Variants in AMPD3 observed in about 807,000 individuals in gnomAD.
AMPD3 encodes AMP deaminase 3.
A neutral mutation model predicts 82.3 loss-of-function variants in AMPD3; 57 were observed. The ratio of observed to expected loss-of-function variants is 0.69; its 90% confidence interval spans 0.56 to 0.86. The LOEUF (loss-of-function observed/expected upper bound fraction) is 0.86, where lower values mean the gene tolerates loss of function less well. Ranked by LOEUF, AMPD3 falls within the 40% of genes least tolerant of loss-of-function variation. The pLI is 0.00. For synonymous variants in AMPD3, 381 were observed against 394.7 expected, an observed-to-expected ratio of 0.97 and a Z score of 0.41; for missense variants, 870 against 1,003.8, an observed-to-expected ratio of 0.87 and a Z score of 1.80.
chr11:10,457,430 G>A (rs1848129797), intron 1 of AMPD3, among the ~76,000 whole-genome samples: 1 of 152,112 alleles, frequency 6.6e-6, no homozygotes, highest in South Asian at 2.1e-4. Context: ...TTGAGGGGCT[G>A]TGGAATGCAA....
intron 9 of AMPD3, 139 bp from the exon 10 acceptor site, chr11:10,496,673 C>T (rs1006971736): frequency 6.7e-7 from 1 of 1,499,660 alleles, no homozygotes; most frequent in Non-Finnish European, 9.1e-7. Context: ...GAGGAGGGAT[C>T]TGTTTTCTGG....
At chr11:10,450,855 G>A, upstream of AMPD3, 2 of 1,204,212 alleles carry the variant, frequency 1.7e-6, no homozygotes, top group Non-Finnish European at 2.1e-6. Context: ...CCTGGCCGGG[G>A]ATCCGCAGCG....
Position 10,456,538 on chromosome 11 carries a change from A to C in AMPD3, c.-6+1090A>C. Reference sequence around the variant, plus strand: ...CACCATGAAAAGTTACTGTTTGTTGAAACTGGCAGTGTTTTAGAACTTTCT... The same window carrying C: ...CACCATGAAAAGTTACTGTTTGTTGCAACTGGCAGTGTTTTAGAACTTTCT... On this transcript the variant is annotated intron_variant, in intron 1 of 14. Coordinates refer to ENST00000396553, the MANE Select transcript of AMPD3 (RefSeq NM_001025389.2). This position sits in a 1 kb window ranked among gnomAD's most constrained non-coding sequence, Gnocchi z 4.3. 6.2e-7 allele frequency: 1 copy of C among 1,601,962 alleles called. No homozygotes were observed. The highest frequency in any genetic ancestry group is 1.7e-4 in the Middle Eastern group (1 of 5,962).
At chr11:10,490,082 T>C (rs1055571113) in intron 6 of AMPD3, among the ~76,000 whole-genome samples, 1 of 152,158 alleles carries the variant, frequency 6.6e-6, no homozygotes, top group South Asian at 2.1e-4. Context: ...TGGCTATTGG[T>C]GTCCCTGGGG....
At chr11:10,486,624 C>T (rs1213338731) in intron 5 of AMPD3, 1 of 985,310 alleles carries the variant, frequency 1.0e-6, no homozygotes, top group African/African-American at 1.7e-5. Flanking sequence ...AAAATATCCT[C>T]CTCTTGTCGT....
At chr11:10,497,342 A>G (rs546076473) in intron 10 of AMPD3, among the ~76,000 whole-genome samples, 1 of 152,298 alleles carries the variant, frequency 6.6e-6, no homozygotes, top group Non-Finnish European at 1.5e-5. Context: ...TTACCTCGCA[A>G]CAGAGGCCCT....
intron 13 of AMPD3, chr11:10,504,062 G>A: frequency 1.0e-6 from 1 of 969,100 alleles, no homozygotes; most frequent in South Asian, 4.8e-5. Flanking sequence ...CTTATCCTAT[G>A]ATCACTTCTC....
chr11:10,456,465 A>G lies in AMPD3; in HGVS notation c.-6+1017A>G. ...AGTAGGAACCAGCTTCCTTCGTATA[A>G]CGAGGGGATTTCAGTGGCACTGGGC... On this transcript the variant is annotated intron_variant, in intron 1 of 14. Coordinates refer to ENST00000396553, the MANE Select transcript of AMPD3 (RefSeq NM_001025389.2). This position sits in a 1 kb window ranked among gnomAD's most constrained non-coding sequence, Gnocchi z 4.3. 6.2e-7 allele frequency: 1 copy of G among 1,613,696 alleles called. No homozygotes were observed. Among genetic ancestry groups the G allele is most frequent in the East Asian group, 2.2e-5 (1 of 44,880 alleles).
At chr11:10,457,186 G>C (rs1478042405) in intron 1 of AMPD3, among the ~76,000 whole-genome samples, 1 of 150,482 alleles carries the variant, frequency 6.6e-6, no homozygotes, top group African/African-American at 2.4e-5. Flanking sequence ...CTGACATATT[G>C]CACCAGGCTG....
chr11:10,469,192 A>G (rs180961682), intron 2 of AMPD3, among the ~76,000 whole-genome samples: 56 of 152,262 alleles, frequency 3.7e-4, no homozygotes, highest in African/African-American at 1.2e-3. Flanking sequence ...CAAAAACTCA[A>G]TGAATCCAGG....
chr11:10,458,166 G>A (rs572500728), intron 1 of AMPD3, among the ~76,000 whole-genome samples: 1 of 149,486 alleles, frequency 6.7e-6, no homozygotes, highest in South Asian at 2.1e-4. Context: ...AATAGTGTGG[G>A]TTAGGCTGAT....
intron 1 of AMPD3, among the ~76,000 whole-genome samples, chr11:10,460,227 A>C (rs1227300460): frequency 6.6e-6 from 1 of 151,088 alleles, no homozygotes; most frequent in Non-Finnish European, 1.5e-5. Context: ...CCTCCCTAGC[A>C]GCTGGGATTA....
chr11:10,500,296 C>T (rs561214812), intron 11 of AMPD3, 47 bp downstream of exon 11: 2 of 1,593,282 alleles, frequency 1.3e-6, no homozygotes, highest in African/African-American at 1.3e-5. Context: ...TGTGTTAGTA[C>T]ATGCACGCAT....
intron 1 of AMPD3, chr11:10,460,725 G>A (rs755806857): frequency 1.4e-5 from 3 of 219,674 alleles, no homozygotes; most frequent in Non-Finnish European, 1.5e-5. Context: ...TACATATTAA[G>A]TGCTATACAA....
At chr11:10,502,183 A>G in intron 12 of AMPD3, 2 of 985,318 alleles carry the variant, frequency 2.0e-6, no homozygotes, top group Non-Finnish European at 2.4e-6. Flanking sequence ...CCTTTCCCTG[A>G]TCCCGGTGAG....
chr11:10,474,533 A>G (rs1391763415), intron 2 of AMPD3, among the ~76,000 whole-genome samples: 2 of 152,154 alleles, frequency 1.3e-5, no homozygotes, highest in African/African-American at 4.8e-5. Flanking sequence ...GAGGGGACTT[A>G]GTGACTGTCA....
At chr11:10,458,680 C>T (rs1414336704) in intron 1 of AMPD3, among the ~76,000 whole-genome samples, 1 of 151,990 alleles carries the variant, frequency 6.6e-6, no homozygotes, top group Non-Finnish European at 1.5e-5. Flanking sequence ...ATTCTGATTA[C>T]TTAACATCTT....
intron 13 of AMPD3, among the ~76,000 whole-genome samples, chr11:10,503,418 G>A (rs1591488684): frequency 6.6e-6 from 1 of 152,192 alleles, no homozygotes; most frequent in Admixed American, 6.5e-5. Context: ...AGTATACCCA[G>A]CATGTTTTGA....
chr11:10,469,448 A>C (rs1848519000), intron 2 of AMPD3, among the ~76,000 whole-genome samples: 1 of 152,230 alleles, frequency 6.6e-6, no homozygotes, highest in African/African-American at 2.4e-5. Flanking sequence ...TAAACCAGGA[A>C]GAAGTTGAAT....
Sources: gnomAD v4.1 joint callset for allele counts (sites outside exome capture counted in the v4.1 genomes callset) on GRCh38, gnomAD v4.1.1 for gene constraint, Gnocchi (gnomAD v3.1) non-coding constraint, MANE v1.5 for transcripts, NCBI Gene and HGNC (gene_info 2026-07-23, HGNC 2026-07-21) for gene names.